Variants in RAI1 observed in about 807,000 individuals in gnomAD.
The protein encoded by RAI1 is retinoic acid induced 1.
Under a neutral mutation model 123.8 loss-of-function variants are expected in RAI1, and 9 were observed. The observed-to-expected ratio is 0.07, with a 90% CI of 0.04 to 0.13. The LOEUF (loss-of-function observed/expected upper bound fraction) is 0.13, where lower values mean the gene tolerates loss of function less well. RAI1 is among the 10% of genes least tolerant of loss of function. RAI1 has a pLI of 1.00. For synonymous variants in RAI1, 1,231 were observed against 1,127.3 expected (o/e 1.09, Z -1.84); for missense variants, 2,256 against 2,545.8 (o/e 0.89, Z 2.45).
In RAI1 at chr17:17,798,510, C is replaced by T; in HGVS notation, c.5562C>T (p.Asp1854=). Residue 1854 remains aspartate (D), a synonymous_variant, in exon 3 of 6, where the codon GAC becomes GAT. Coordinates refer to ENST00000353383, the MANE Select transcript of RAI1 (RefSeq NM_030665.4). ...GLQEAMKVAV[D]MMCSSCQEAG... is the part of the protein sequence containing the mutation. The stretch of plus-strand genomic sequence containing the variant: ...AGGAGGCCATGAAGGTGGCCGTGGA[C>T]ATGGTAAGAGGCCAGCCCAGCCAGG... 2 of 1,600,284 alleles carry T rather than the reference C, an allele frequency of 1.2e-6. No individual in the cohort carries two copies. Among genetic ancestry groups the T allele is most frequent in the Non-Finnish European group, 1.7e-6 (2 of 1,179,856 alleles).
chr17:17,684,494 C>CTAA (rs909781869), intron 1 of RAI1: 2 of 151,592 alleles, frequency 1.3e-5, no homozygotes, highest in Non-Finnish European at 2.9e-5. Flanking sequence ...AATTGCAACC[C>CTAA]TAATAATTCC....
intron 1 of RAI1, among the ~76,000 whole-genome samples, chr17:17,723,805 G>T (rs1915975099): frequency 6.7e-6 from 1 of 150,320 alleles, no homozygotes; most frequent in South Asian, 2.1e-4. Flanking sequence ...CGCGCTTACC[G>T]AGTGGATGCG....
rs778425065 is a variant in RAI1 at position 17,797,893 on chromosome 17, C to T, written c.4945C>T (p.Leu1649=). The T allele has an allele frequency of 1.2e-6, 2 of 1,613,896 alleles. No homozygotes were observed. The highest frequency in any genetic ancestry group is 2.7e-5 in the African/African-American group (2 of 74,908). Residue 1649 remains leucine (L), a synonymous_variant, in exon 3 of 6, where the codon CTG becomes TTG. Coordinates refer to ENST00000353383, the MANE Select transcript of RAI1 (RefSeq NM_030665.4). ...SFSLDAAGAS[L]ATLPGGSILQ... Reference sequence around the variant, plus strand: ...CTCCTTGGATGCAGCCGGGGCCTCCCTGGCCACACTCCCTGGAGGCTCCAT... The same window carrying T: ...CTCCTTGGATGCAGCCGGGGCCTCCTTGGCCACACTCCCTGGAGGCTCCAT...
Position 17,772,837 on chromosome 17 carries a change from G to A in RAI1, c.-16-20096G>A, listed in dbSNP as rs180957906. Reference sequence around the variant, plus strand: ...TCTGGGTGCTCAGTCTCTAGCAGGTGTATGGCATACAGTAAGCACTTAGTA... The same window carrying A: ...TCTGGGTGCTCAGTCTCTAGCAGGTATATGGCATACAGTAAGCACTTAGTA... On this transcript the variant is annotated intron_variant, in intron 2 of 5. Transcript: ENST00000353383. Among the ~76,000 whole-genome samples, 500 of 152,258 alleles carry A rather than the reference G, an allele frequency of 3.3e-3. 4 individuals are homozygous for A. The highest frequency in any genetic ancestry group is 0.011 in the African/African-American group (475 of 41,534).
chr17:17,741,034 C>T (rs960552089), intron 2 of RAI1, among the ~76,000 whole-genome samples: 14 of 152,022 alleles, frequency 9.2e-5, no homozygotes, highest in Admixed American at 2.0e-4. Flanking sequence ...CACCCCCGCC[C>T]GCCGTCAGAG....
intron 1 of RAI1, among the ~76,000 whole-genome samples, chr17:17,703,188 A>G (rs1879764769): frequency 6.6e-6 from 1 of 152,172 alleles, no homozygotes; most frequent in Non-Finnish European, 1.5e-5. Flanking sequence ...TGGAGACTCA[A>G]GGCTTCCAGG....
intron 2 of RAI1, chr17:17,778,341 G>C (rs1466773055): frequency 4.3e-6 from 1 of 232,420 alleles, no homozygotes; most frequent in Non-Finnish European, 8.6e-6. Flanking sequence ...GGCTCCCCAT[G>C]AACTGGTGGC....
chr17:17,767,437 G>A (rs893407133), intron 2 of RAI1, among the ~76,000 whole-genome samples: 1 of 151,898 alleles, frequency 6.6e-6, no homozygotes, highest in Admixed American at 6.5e-5. Flanking sequence ...ACTAAAGAAT[G>A]TAAAGAAGAA....
At chr17:17,719,237 G>A (rs1432839920) in intron 1 of RAI1, among the ~76,000 whole-genome samples, 6 of 152,120 alleles carry the variant, frequency 3.9e-5, no homozygotes, top group Non-Finnish European at 7.4e-5. Flanking sequence ...GCCTCATCTC[G>A]TTCAGTCTAA....
At chr17:17,739,483 C>G (rs1314232067) in intron 2 of RAI1, among the ~76,000 whole-genome samples, 2 of 152,176 alleles carry the variant, frequency 1.3e-5, no homozygotes, top group Non-Finnish European at 2.9e-5. Flanking sequence ...GATAAGGATA[C>G]AGAGAGAGAA....
chr17:17,705,088 G>A (rs556176309), intron 1 of RAI1, among the ~76,000 whole-genome samples: 2 of 152,260 alleles, frequency 1.3e-5, no homozygotes, highest in East Asian at 3.9e-4. Context: ...GTTGTTGTGA[G>A]CCCTTGAGAT....
chr17:17,754,493 C>T (rs976400511), intron 2 of RAI1, among the ~76,000 whole-genome samples: 4 of 152,182 alleles, frequency 2.6e-5, no homozygotes, highest in Admixed American at 2.6e-4. Context: ...GCCTCGGCCT[C>T]CCAAAGTGCT....
intron 1 of RAI1, among the ~76,000 whole-genome samples, chr17:17,722,591 G>C (rs1915919791): frequency 6.6e-6 from 1 of 152,218 alleles, no homozygotes; most frequent in African/African-American, 2.4e-5. Context: ...TCTCGGCCTA[G>C]TTCTCGGCTG....
chr17:17,730,829 G>A (rs1368579641), intron 2 of RAI1, among the ~76,000 whole-genome samples: 2 of 152,236 alleles, frequency 1.3e-5, no homozygotes, highest in Non-Finnish European at 2.9e-5. Flanking sequence ...GCTGGAGGAG[G>A]CCTTTCCAAG....
At chr17:17,704,433 C>T (rs1387719412) in intron 1 of RAI1, among the ~76,000 whole-genome samples, 1 of 152,042 alleles carries the variant, frequency 6.6e-6, no homozygotes, top group Non-Finnish European at 1.5e-5. Flanking sequence ...TCAGAATGGC[C>T]CTCCATGTGG....
intron 2 of RAI1, among the ~76,000 whole-genome samples, chr17:17,758,905 C>G (rs2030564749): frequency 6.6e-6 from 1 of 152,088 alleles, no homozygotes; most frequent in African/African-American, 2.4e-5. Flanking sequence ...ACAGGCTGAC[C>G]TGTTTTGGTG....
chr17:17,731,949 A>G (rs1916285795), intron 2 of RAI1, among the ~76,000 whole-genome samples: 1 of 152,110 alleles, frequency 6.6e-6, no homozygotes, highest in African/African-American at 2.4e-5. Context: ...AGGGAGGAAC[A>G]GTGCCCAGAG....
At chr17:17,748,892 C>G (rs2030036362) in intron 2 of RAI1, among the ~76,000 whole-genome samples, 1 of 152,166 alleles carries the variant, frequency 6.6e-6, no homozygotes, top group Non-Finnish European at 1.5e-5. Context: ...ATGGGACCTC[C>G]TCTAGCTGCA....
intron 2 of RAI1, among the ~76,000 whole-genome samples, chr17:17,787,328 A>C (rs1412600564): frequency 6.6e-6 from 1 of 152,210 alleles, no homozygotes; most frequent in Non-Finnish European, 1.5e-5. Flanking sequence ...TGCCTGGGCC[A>C]CCAGACCCTT....
Sources: allele counts gnomAD v4.1 joint callset (sites outside exome capture counted in the v4.1 genomes callset), GRCh38; gene constraint gnomAD v4.1.1; transcripts MANE v1.5; gene names NCBI Gene and HGNC (gene_info 2026-07-23, HGNC 2026-07-21).